The following ADGRB3 variants were observed in gnomAD, a reference collection of about 807,000 sequenced individuals.
ADGRB3 encodes brain-specific angiogenesis inhibitor 3.
In ADGRB3, 37 loss-of-function variants were observed where a neutral mutation model predicts 193.4. That is an observed-to-expected ratio of 0.19 (90% CI 0.15 to 0.25). The LOEUF is 0.25. ADGRB3 is among the 10% of genes least tolerant of loss of function. The probability of loss-of-function intolerance (pLI) is 1.00; values close to 1 mark genes in which losing one functional copy is unlikely to be tolerated. For missense variants in ADGRB3, 1,637 were observed against 1,852.9 expected, an observed-to-expected ratio of 0.88 and a Z score of 2.14; for synonymous variants, 690 against 644.2, an observed-to-expected ratio of 1.07 and a Z score of -1.08.
intron 20 of ADGRB3, among the ~76,000 whole-genome samples, chr6:69,312,642 C>T (rs775104904): frequency 1.1e-4 from 16 of 151,596 alleles, no homozygotes; most frequent in Non-Finnish European, 2.1e-4. Context: ...TAAATGATAG[C>T]CTGCCTTCTT....
chr6:69,379,527 A>G (rs1177001017), intron 30 of ADGRB3, among the ~76,000 whole-genome samples: 1 of 152,026 alleles, frequency 6.6e-6, no homozygotes, highest in Non-Finnish European at 1.5e-5. Flanking sequence ...AACTAAAACG[A>G]CACCTAAGTT....
intron 3 of ADGRB3, among the ~76,000 whole-genome samples, chr6:68,646,489 A>G (rs1200169756): frequency 1.1e-4 from 16 of 151,266 alleles, no homozygotes; most frequent in South Asian, 4.2e-4. Context: ...AAAAAAAAAA[A>G]AAAAGAAAAA....
intron 10 of ADGRB3, among the ~76,000 whole-genome samples, chr6:68,987,572 C>T (rs1402719992): frequency 6.6e-6 from 1 of 152,026 alleles, no homozygotes. Context: ...TTGACAATTT[C>T]TAATGAAAGC....
chr6:69,211,951 T>C (rs62406837), intron 17 of ADGRB3, among the ~76,000 whole-genome samples: 21,384 of 152,222 alleles, frequency 0.14, 1,539 homozygotes, highest in Admixed American at 0.16. Context: ...AGATATTACA[T>C]AATTCAGAGA....
chr6:68,806,462 A>G (rs970468906), intron 3 of ADGRB3, among the ~76,000 whole-genome samples: 3 of 152,090 alleles, frequency 2.0e-5, no homozygotes, highest in African/African-American at 7.2e-5. Flanking sequence ...TTATTTATTG[A>G]AAAACATTTC....
chr6:69,137,937 C>G (rs533849943), intron 17 of ADGRB3, among the ~76,000 whole-genome samples: 8 of 152,336 alleles, frequency 5.3e-5, no homozygotes, highest in African/African-American at 1.9e-4. Context: ...CATTCAGCAA[C>G]TCAGTTGATA....
chr6:69,276,099 A>T (rs1299734015), intron 20 of ADGRB3, among the ~76,000 whole-genome samples: 1 of 152,210 alleles, frequency 6.6e-6, no homozygotes, highest in Non-Finnish European at 1.5e-5. Flanking sequence ...AAGGTAAAAA[A>T]TTCAGCAAGA....
intron 3 of ADGRB3, among the ~76,000 whole-genome samples, chr6:68,861,462 G>A (rs1765152063): frequency 1.3e-5 from 2 of 151,938 alleles, no homozygotes; most frequent in Admixed American, 1.3e-4. Flanking sequence ...CTCGGGAGGT[G>A]GAGGCAGGAG....
intron 3 of ADGRB3, among the ~76,000 whole-genome samples, chr6:68,829,774 T>A (rs1252421510): frequency 1.3e-5 from 2 of 152,166 alleles, no homozygotes; most frequent in African/African-American, 4.8e-5. Context: ...ATTATTCAGG[T>A]TATTGATTTT....
At chr6:68,766,695 T>G (rs958150562) in intron 3 of ADGRB3, among the ~76,000 whole-genome samples, 1 of 152,036 alleles carries the variant, frequency 6.6e-6, no homozygotes, top group South Asian at 2.1e-4. Context: ...GTTGTAATCT[T>G]ACAACTTTTT....
intron 20 of ADGRB3, among the ~76,000 whole-genome samples, chr6:69,318,694 T>G (rs980688948): frequency 1.3e-5 from 2 of 151,326 alleles, no homozygotes; most frequent in South Asian, 4.1e-4. Context: ...GAAATGATAC[T>G]GAAAATGATA....
chr6:68,843,816 A>C (rs534323962), intron 3 of ADGRB3, among the ~76,000 whole-genome samples: 1 of 152,316 alleles, frequency 6.6e-6, no homozygotes, highest in East Asian at 1.9e-4. Flanking sequence ...TGCTCACATA[A>C]AAACAGACAC....
At chr6:69,097,129 TGG>T (rs1283405141) in intron 17 of ADGRB3, among the ~76,000 whole-genome samples, 1 of 152,234 alleles carries the variant, frequency 6.6e-6, no homozygotes, top group African/African-American at 2.4e-5. Context: ...ATTTTATCTT[TGG>T]GAATGTTCAA....
intron 20 of ADGRB3, among the ~76,000 whole-genome samples, chr6:69,301,539 T>C (rs1470862376): frequency 6.6e-6 from 1 of 152,050 alleles, no homozygotes; most frequent in East Asian, 1.9e-4. Flanking sequence ...TTTTTCATCA[T>C]GTTTAGTGCA....
intron 3 of ADGRB3, among the ~76,000 whole-genome samples, chr6:68,852,486 C>T (rs916827994): frequency 6.6e-6 from 1 of 151,862 alleles, no homozygotes; most frequent in Non-Finnish European, 1.5e-5. Flanking sequence ...ACTTGTATAT[C>T]GTTAAAGAGT....
intron 20 of ADGRB3, among the ~76,000 whole-genome samples, chr6:69,298,520 C>T (rs1418352544): frequency 3.3e-5 from 5 of 151,866 alleles, no homozygotes; most frequent in Admixed American, 2.6e-4. Context: ...TTAAGCATCT[C>T]CTCTTTATTA....
chr6:68,650,253 A>G (rs1337304143), intron 3 of ADGRB3, among the ~76,000 whole-genome samples: 1 of 152,210 alleles, frequency 6.6e-6, no homozygotes, highest in Non-Finnish European at 1.5e-5. Context: ...TGAAGTATTG[A>G]AAATTAAAAT....
At chr6:69,122,463 A>AGGGAGAGGGGGAGGGGGAG (rs1484692009) in intron 17 of ADGRB3, among the ~76,000 whole-genome samples, 732 of 51,572 alleles carry the variant, frequency 0.014, 55 homozygotes, top group African/African-American at 0.017. Flanking sequence ...GATAAGGGAG[A>AGGGAGAGGGGGAGGGGGAG]GGGAGAGGGG....
intron 6 of ADGRB3, among the ~76,000 whole-genome samples, chr6:68,946,325 C>T (rs1767774687): frequency 6.6e-6 from 1 of 152,078 alleles, no homozygotes; most frequent in South Asian, 2.1e-4. Context: ...GGCACCTTCA[C>T]TGGGTATGAA....
Sources: allele counts gnomAD v4.1 joint callset (sites outside exome capture counted in the v4.1 genomes callset), GRCh38; gene constraint gnomAD v4.1.1; transcripts MANE v1.5; gene names NCBI Gene and HGNC (gene_info 2026-07-23, HGNC 2026-07-21).